ITGAV: variants seen among roughly 807,000 people sequenced by gnomAD.
The protein encoded by ITGAV is integrin alpha-V.
In ITGAV, 76 loss-of-function variants were observed where a neutral mutation model predicts 143.8. The observed-to-expected ratio is 0.53, with a 90% CI of 0.44 to 0.64. The LOEUF (loss-of-function observed/expected upper bound fraction) is 0.64. ITGAV is among the 30% of genes least tolerant of loss of function. The pLI is 0.00. For missense variants in ITGAV, 1,193 were observed against 1,274.7 expected, an observed-to-expected ratio of 0.94 and a Z score of 0.98; for synonymous variants, 453 against 446.7, an observed-to-expected ratio of 1.01 and a Z score of -0.18.
At chr2:186,609,036 G>A (rs1206793820) in intron 2 of ITGAV, among the ~76,000 whole-genome samples, 1 of 152,052 alleles carries the variant, frequency 6.6e-6, no homozygotes, top group East Asian at 1.9e-4. Flanking sequence ...TGTCTGTTTG[G>A]GTGAGTCTAA....
chr2:186,665,569 A>G (rs769230472), intron 21 of ITGAV, among the ~76,000 whole-genome samples: 4 of 152,178 alleles, frequency 2.6e-5, no homozygotes, highest in African/African-American at 4.8e-5. Flanking sequence ...AAGACTGTCA[A>G]TCCTAGGTGA....
At chr2:186,646,602 C>A in intron 12 of ITGAV, 84 bp from the exon 13 acceptor site, 2 of 983,356 alleles carry the variant, frequency 2.0e-6, no homozygotes, top group Admixed American at 2.4e-5. Flanking sequence ...CCCCCCTTCT[C>A]TCGTTCCTTC....
At chr2:186,644,726 C>T (rs75915882) in intron 12 of ITGAV, among the ~76,000 whole-genome samples, 1 of 151,858 alleles carries the variant, frequency 6.6e-6, no homozygotes, top group Non-Finnish European at 1.5e-5. Context: ...TTACTGCAGG[C>T]CAGGCACTCT....
At chr2:186,648,379 G>A (rs1011007391) in intron 13 of ITGAV, among the ~76,000 whole-genome samples, 1 of 152,130 alleles carries the variant, frequency 6.6e-6, no homozygotes, top group Non-Finnish European at 1.5e-5. Flanking sequence ...TCCCATACTT[G>A]TGCTTCTTTT....
At chr2:186,660,866 C>T (rs1281606962) in intron 18 of ITGAV, among the ~76,000 whole-genome samples, 1 of 152,118 alleles carries the variant, frequency 6.6e-6, no homozygotes, top group African/African-American at 2.4e-5. Context: ...TAGACAGTCA[C>T]CAGTCACCTT....
In ITGAV at chr2:186,665,076, C is replaced by G. The variant is rs752416265; in HGVS notation, c.2074-50C>G. The G allele has an allele frequency of 2.6e-6, 3 of 1,160,280 alleles. No homozygotes were observed. The Admixed American group carries it at 6.1e-5, about 23-fold the overall frequency. 71.9% of individuals were successfully genotyped at this position (1,160,280 alleles called of 1,614,324 possible). ...AACTGAAATATCCAACTGCGTGATA[C>G]TTTATTTCCTTTCATATCCATTTTT... is the stretch of plus-strand genomic sequence containing the variant. On this transcript the variant is annotated intron_variant, in intron 20 of 29. Coordinates refer to ENST00000261023, the MANE Select transcript of ITGAV (RefSeq NM_002210.5).
chr2:186,675,524 G>T (rs966665705), intron 26 of ITGAV, 80 bp from the exon 27 acceptor site: 5 of 1,023,408 alleles, frequency 4.9e-6, no homozygotes, highest in Non-Finnish European at 7.6e-6. Flanking sequence ...CACACAAAAA[G>T]AAAAAAAATG....
At chr2:186,630,757 G>T in intron 4 of ITGAV, 40 bp from the exon 5 acceptor site, 1 of 1,087,788 alleles carries the variant, frequency 9.2e-7, no homozygotes, top group South Asian at 1.3e-5. Context: ...TGTGTTGTTT[G>T]TTTTTGGGTT....
intron 4 of ITGAV, among the ~76,000 whole-genome samples, chr2:186,628,799 G>T (rs1687744687): frequency 6.6e-6 from 1 of 151,936 alleles, no homozygotes; most frequent in South Asian, 2.1e-4. Context: ...TTTCTAGTTG[G>T]CTTTTCCTTT....
intron 10 of ITGAV, among the ~76,000 whole-genome samples, chr2:186,639,204 A>C (rs191693142): frequency 6.6e-6 from 1 of 152,208 alleles, no homozygotes; most frequent in African/African-American, 2.4e-5. Context: ...TCTCTGTTGT[A>C]TGTCTCAAAG....
intron 2 of ITGAV, among the ~76,000 whole-genome samples, chr2:186,602,834 G>A (rs967923843): frequency 4.0e-4 from 60 of 149,354 alleles, no homozygotes; most frequent in African/African-American, 1.4e-3. Context: ...CTGAGATTGC[G>A]CCACTGCACT....
In ITGAV at chr2:186,639,478, G is replaced by T. The variant is rs60350047; in HGVS notation, c.903+1013G>T. On this transcript the variant is annotated intron_variant, in intron 10 of 29. Coordinates refer to ENST00000261023, the MANE Select transcript of ITGAV (RefSeq NM_002210.5). Reference sequence around the variant, plus strand: ...GGGTTGCTGCAGGGGTGGTCCCTTTGTTCCGTTTTGACTTCTCCAGCTCAA... The same window carrying T: ...GGGTTGCTGCAGGGGTGGTCCCTTTTTTCCGTTTTGACTTCTCCAGCTCAA... Among the ~76,000 whole-genome samples the T allele has an allele frequency of 8.2e-3, 1,247 of 152,218 alleles. 20 individuals are homozygous for T. The highest frequency in any genetic ancestry group is 0.029 in the African/African-American group (1,198 of 41,516).
intron 1 of ITGAV, among the ~76,000 whole-genome samples, chr2:186,595,140 A>G (rs1686711300): frequency 6.6e-6 from 1 of 152,246 alleles, no homozygotes; most frequent in Admixed American, 6.5e-5. Flanking sequence ...GTACTATTTC[A>G]TACACATTTA....
chr2:186,616,499 C>T (rs1033919039), intron 2 of ITGAV, among the ~76,000 whole-genome samples: 4 of 151,738 alleles, frequency 2.6e-5, no homozygotes, highest in South Asian at 2.1e-4. Flanking sequence ...AGGATGGTCT[C>T]GATCTCCTGA....
At chr2:186,651,396 C>T (rs1293208315) in intron 14 of ITGAV, among the ~76,000 whole-genome samples, 1 of 152,020 alleles carries the variant, frequency 6.6e-6, no homozygotes, top group Non-Finnish European at 1.5e-5. Context: ...TTTAAAATTG[C>T]TGTTAATTGT....
intron 7 of ITGAV, among the ~76,000 whole-genome samples, chr2:186,636,689 A>G (rs1327533192): frequency 3.3e-5 from 5 of 152,224 alleles, no homozygotes; most frequent in Non-Finnish European, 7.3e-5. Context: ...TTTAGGACTT[A>G]TTAACATGTG....
At chr2:186,676,725 C>T in intron 28 of ITGAV, 88 bp from the exon 29 acceptor site, 2 of 1,347,864 alleles carry the variant, frequency 1.5e-6, no homozygotes, top group Non-Finnish European at 1.0e-6. Context: ...CTGTGAATTC[C>T]ATTAAAATAA....
chr2:186,636,593 C>T (rs752210557), intron 7 of ITGAV, among the ~76,000 whole-genome samples: 10 of 152,166 alleles, frequency 6.6e-5, no homozygotes, highest in Non-Finnish European at 1.2e-4. Context: ...CAAAGTCACT[C>T]GCTTGTAACT....
chr2:186,628,144 C>A (rs917305536), intron 4 of ITGAV, among the ~76,000 whole-genome samples: 1 of 152,132 alleles, frequency 6.6e-6, no homozygotes, highest in Non-Finnish European at 1.5e-5. Flanking sequence ...CAAAAAACTT[C>A]TGAGGTATAA....
Sources: gnomAD v4.1 joint callset for allele counts (sites outside exome capture counted in the v4.1 genomes callset) on GRCh38, gnomAD v4.1.1 for gene constraint, MANE v1.5 for transcripts, NCBI Gene and HGNC (gene_info 2026-07-23, HGNC 2026-07-21) for gene names.